The following AATK variants were observed in gnomAD, a reference collection of about 807,000 sequenced individuals.
AATK encodes serine/threonine-protein kinase LMTK1.
A neutral mutation model predicts 114.3 loss-of-function variants in AATK; 91 were observed. That is an observed-to-expected ratio of 0.80 (90% CI 0.67 to 0.95). AATK has a LOEUF of 0.95. AATK is among the 40% of genes least tolerant of loss of function. The pLI is 0.00. For missense variants in AATK, 2,176 were observed against 1,965.2 expected, an observed-to-expected ratio of 1.11 and a Z score of -2.03; for synonymous variants, 1,075 against 916.5, an observed-to-expected ratio of 1.17 and a Z score of -3.12.
intron 12 of AATK, 94 bp from the exon 13 acceptor site, chr17:81,119,674 T>TG (rs200054992): frequency 1.7e-6 from 1 of 591,130 alleles, no homozygotes; most frequent in Non-Finnish European, 2.3e-6. Context: ...CCGCCTCCCA[T>TG]CATGTCACGG....
chr17:81,146,413 G>T (rs1224577940), intron 1 of AATK, among the ~76,000 whole-genome samples: 2 of 150,806 alleles, frequency 1.3e-5, no homozygotes, highest in Non-Finnish European at 3.0e-5. Flanking sequence ...CACAAATGAG[G>T]AAATACAAAT....
chr17:81,131,255 G>A (rs1462929568), intron 2 of AATK, 50 bp from the exon 3 acceptor site: 1 of 1,518,816 alleles, frequency 6.6e-7, no homozygotes, highest in East Asian at 2.4e-5. Context: ...TCAAGGAAGG[G>A]TGTGGCTGGG....
At position 81,148,996 on chromosome 17, in the gene AATK, C is replaced by A. The variant is rs562467344; in HGVS notation, c.56-14495G>T. Among the ~76,000 whole-genome samples the A allele has an allele frequency of 1.0e-3, 153 of 152,270 alleles. 3 individuals carry two copies. In the South Asian group the frequency reaches 0.031, roughly 30 times the overall value. On this transcript the variant is annotated intron_variant, in intron 1 of 13. Transcript: ENST00000326724. ...GAGACCGGGGGTGGAGGTGCCTTGGCCAGGCCAGTGATGGGGCAGCGACCC... is the reference window on the plus strand; with the variant it reads ...GAGACCGGGGGTGGAGGTGCCTTGGACAGGCCAGTGATGGGGCAGCGACCC...
At chr17:81,131,292 C>T in intron 2 of AATK, 87 bp from the exon 3 acceptor site, 2 of 1,457,906 alleles carry the variant, frequency 1.4e-6, no homozygotes, top group South Asian at 2.8e-5. Flanking sequence ...TCTTCCAGGG[C>T]CGAGCTCCCA....
chr17:81,142,770 G>A (rs2061157204), intron 1 of AATK, among the ~76,000 whole-genome samples: 1 of 151,916 alleles, frequency 6.6e-6, no homozygotes. Context: ...TAAGGACCCA[G>A]CCCCACCCCC....
rs569254476 is a variant in AATK at position 81,138,026 on chromosome 17, G to A, written c.56-3525C>T. Among the ~76,000 whole-genome samples, 6 of 136,568 alleles carry A rather than the reference G, an allele frequency of 4.4e-5. No individual in the cohort carries two copies. The East Asian group carries it at 6.7e-4, about 15-fold the overall frequency. 89.6% of individuals were successfully genotyped at this position (136,568 alleles called of 152,430 possible). The stretch of plus-strand genomic sequence containing the variant: ...CACACGTACACGCACCCACATGCAC[G>A]CAAACCCACACCCACGTGCACACAG... On this transcript the variant is annotated intron_variant, in intron 1 of 13. Transcript: ENST00000326724.
At chr17:81,137,667 C>T (rs956682223) in intron 1 of AATK, among the ~76,000 whole-genome samples, 1 of 152,114 alleles carries the variant, frequency 6.6e-6, no homozygotes, top group East Asian at 1.9e-4. Flanking sequence ...CACACAAATG[C>T]CCACGTATGT....
intron 1 of AATK, among the ~76,000 whole-genome samples, chr17:81,154,077 AAAAAAC>A (rs917331402): frequency 7.4e-6 from 1 of 135,388 alleles, no homozygotes; most frequent in African/African-American, 2.5e-5. Flanking sequence ...ACTCCATCTC[AAAAAAC>A]AAAACAAAAC....
At chr17:81,139,372 C>A (rs1312752358) in intron 1 of AATK, among the ~76,000 whole-genome samples, 3 of 152,352 alleles carry the variant, frequency 2.0e-5, no homozygotes, top group Middle Eastern at 3.4e-3. Context: ...CGCACTCTTC[C>A]CAAATACGAG....
chr17:81,126,621 C>A lies in AATK; in HGVS notation c.622-61G>T. ...CTGGGGGCTGGCCACCCTGGGAGGT[C>A]CCCACCTACCTCCCCAACTCCTCCA... On this transcript the variant is annotated intron_variant, in intron 6 of 13. Transcript: ENST00000326724. The surrounding 1 kb of genome is among the most constrained non-coding windows in gnomAD (Gnocchi z 5.1). 6.7e-7 allele frequency: 1 copy of A among 1,503,236 alleles called. No individual in the cohort carries two copies. The highest frequency in any genetic ancestry group is 1.3e-5 in the South Asian group (1 of 79,238). The allele number at this position is 1,503,236 out of a possible 1,614,324, so 93.1% of individuals were successfully genotyped here. A position where few individuals can be genotyped will look rare whatever the true frequency, so the allele number is the denominator to read the frequency against.
intron 2 of AATK, chr17:81,131,915 C>G: frequency 7.5e-7 from 1 of 1,341,768 alleles, no homozygotes; most frequent in Non-Finnish European, 9.9e-7. Flanking sequence ...CCACCGCCAT[C>G]TGCCCCAGCA....
chr17:81,130,962 C>T (rs8073182), intron 3 of AATK, 99 bp downstream of exon 3: 640,369 of 1,406,882 alleles, frequency 0.46, 149,433 homozygotes, highest in East Asian at 0.68. Context: ...GTGCTGCCCC[C>T]ACTCCAGAGC....
chr17:81,151,287 T>G (rs2061291643), intron 1 of AATK, among the ~76,000 whole-genome samples: 3 of 110,580 alleles, frequency 2.7e-5, no homozygotes, highest in Admixed American at 8.5e-5. Flanking sequence ...GCCCCACCTG[T>G]CTCCCCCACC....
At chr17:81,149,122 C>T (rs867379316) in intron 1 of AATK, among the ~76,000 whole-genome samples, 4 of 152,122 alleles carry the variant, frequency 2.6e-5, no homozygotes, top group Non-Finnish European at 2.9e-5. Context: ...ATTCCGGGGC[C>T]GGGGCAGCCC....
At chr17:81,127,694 C>T in intron 5 of AATK, 24 bp from the exon 6 acceptor site, 7 of 1,558,560 alleles carry the variant, frequency 4.5e-6, no homozygotes, top group Non-Finnish European at 6.1e-6. Context: ...CAGGCGGCCC[C>T]TGACTTGGGA....
intron 1 of AATK, among the ~76,000 whole-genome samples, chr17:81,145,382 G>A (rs1368006143): frequency 6.6e-6 from 1 of 152,110 alleles, no homozygotes; most frequent in Non-Finnish European, 1.5e-5. Flanking sequence ...GGATTTGTAA[G>A]CTAAAAGCAA....
At chr17:81,138,810 G>C (rs1183783385) in intron 1 of AATK, among the ~76,000 whole-genome samples, 1 of 147,936 alleles carries the variant, frequency 6.8e-6, no homozygotes, top group Non-Finnish European at 1.5e-5. Context: ...CCACTTGCGC[G>C]TGCACACCCA....
At chr17:81,154,317 TTC>T (rs1392371189) in intron 1 of AATK, among the ~76,000 whole-genome samples, 7 of 115,098 alleles carry the variant, frequency 6.1e-5, no homozygotes, top group African/African-American at 2.5e-4. Context: ...AGTTTTTTCT[TTC>T]TTTTTTTTTT....
Position 81,119,966 on chromosome 17 carries a change from C to T in AATK, c.3853G>A (p.Gly1285Ser). 6.9e-7 allele frequency: 1 copy of T among 1,450,540 alleles called. No individual in the cohort carries two copies. The highest frequency in any genetic ancestry group is 9.1e-7 in the Non-Finnish European group (1 of 1,102,830). 89.9% of individuals were successfully genotyped at this position (1,450,540 alleles called of 1,614,324 possible). The change falls in exon 12 of 14, where the codon GGC (glycine) becomes AGC (serine). Residue 1285 changes from glycine to serine, a missense_variant. By Grantham distance (56) the Gly-to-Ser change is moderately conservative (BLOSUM62 0). Around this residue, in one of 4 missense-constraint regions of AATK, gnomAD observed 1,701 missense variants for 1,394.7 expected, o/e 1.22. Coordinates refer to ENST00000326724, the MANE Select transcript of AATK (RefSeq NM_001080395.3). ...SAPNRPQQAD[G>S]SPNGSTAEEG... Reference sequence around the variant, plus strand: ...TCCGCTGTGGAGCCATTTGGGGAGCCATCAGCCTGCTGCGGCCGGTTGGGG... The same window carrying T: ...TCCGCTGTGGAGCCATTTGGGGAGCTATCAGCCTGCTGCGGCCGGTTGGGG...
Sources: gnomAD v4.1 joint callset for allele counts (sites outside exome capture counted in the v4.1 genomes callset) on GRCh38, gnomAD v4.1.1 for gene constraint, gnomAD v4.1.1 regional missense constraint, Gnocchi (gnomAD v3.1) non-coding constraint, MANE v1.5 for transcripts, NCBI Gene and HGNC (gene_info 2026-07-23, HGNC 2026-07-21) for gene names.